PLIN4: variants seen among roughly 807,000 people sequenced by gnomAD.
PLIN4 encodes the protein perilipin-4.
PLIN4 carries 57 observed loss-of-function variants against 52.4 expected under a neutral mutation model. That is an observed-to-expected ratio of 1.09 (90% CI 0.88 to 1.36). PLIN4 has a LOEUF of 1.36. PLIN4 is among the 40% of genes most tolerant of loss of function. The pLI is 0.00. For missense variants in PLIN4, 1,757 were observed against 1,770.3 expected (o/e 0.99, Z 0.13); for synonymous variants, 826 against 785.4 (o/e 1.05, Z -0.86).
Position 4,512,450 on chromosome 19 carries a change from T to C in PLIN4, c.1510A>G (p.Thr504Ala), listed in dbSNP as rs1208867497. The C allele has an allele frequency of 6.2e-7, 1 of 1,611,528 alleles. No homozygotes were observed. The highest frequency in any genetic ancestry group is 1.4e-5 in the African/African-American group (1 of 73,734). ...ACGTTCACAGCCCCTGTGAGCCCAG[T>C]GGACACAGCATCTTTAGTGCCAGTC... is the stretch of plus-strand genomic sequence containing the variant. The part of the protein sequence containing the change: ...VLTGTKDAVS[T>A]GLTGAVNVAK... Residue 504 changes from threonine to alanine, a missense_variant, in exon 5 of 8, where the codon ACT becomes GCT. By Grantham distance (58) the Thr-to-Ala change is moderately conservative (BLOSUM62 0). Around this residue, in one of 7 missense-constraint regions of PLIN4, gnomAD observed 439 missense variants for 406.4 expected, o/e 1.08. Transcript: ENST00000301286.
In PLIN4 at chr19:4,511,016, C is replaced by T. The variant is rs148858605; in HGVS notation, c.2944G>A (p.Gly982Ser). ...AGCACAGCCTTGGAGGCGTCCACGC[C>T]GGTCTGCACGGTTCCTTTGGCCACA... ...VNVAKGTVQTGVDASKAVLMG... is the reference protein window; with the variant it reads ...VNVAKGTVQTSVDASKAVLMG... Residue 982 changes from glycine (G) to serine (S), a missense_variant, in exon 5 of 8, where the codon GGC becomes AGC. Coordinates refer to ENST00000301286, the MANE Select transcript of PLIN4 (RefSeq NM_001367868.2). 427 of 1,613,134 alleles carry T rather than the reference C, an allele frequency of 2.6e-4. No homozygotes were observed. The highest frequency in any genetic ancestry group is 8.8e-4 in the Admixed American group (53 of 60,004).
chr19:4,517,103 G>A (rs554355222), intron 3 of PLIN4, among the ~76,000 whole-genome samples: 31 of 152,284 alleles, frequency 2.0e-4, no homozygotes, highest in Non-Finnish European at 3.2e-4. Context: ...CAGCTCAGGC[G>A]GCTGCCCCAA....
rs1366329464 is a variant in PLIN4, at chr19:4,512,582, T to G, written c.1378A>C (p.Ile460Leu). ...GTGTCCTTGGTACCAGTTAGAACGA[T>G]CTTGGTGGTGTCCACGCCTGTCTGG... ...TIQTGVDTTK[I>L]VLTGTKDTVC... Residue 460 changes from isoleucine to leucine, a missense_variant, in exon 5 of 8, where the codon ATC (isoleucine) becomes CTC (leucine). Physicochemically the swap from Ile to Leu is conservative, Grantham distance 5 (BLOSUM62 2). This residue lies in a region of PLIN4 where 439 missense variants were observed against 406.4 expected (regional missense o/e 1.08). Coordinates refer to ENST00000301286, the MANE Select transcript of PLIN4 (RefSeq NM_001367868.2). 7.5e-6 allele frequency: 12 copies of G among 1,610,108 alleles called. No homozygotes were observed. Among genetic ancestry groups the G allele is most frequent in the Non-Finnish European group, 9.3e-6 (11 of 1,178,196 alleles).
Position 4,510,624 on chromosome 19 carries a change from A to G in PLIN4, c.3336T>C (p.Thr1112=). 2.0e-6 allele frequency: 3 copies of G among 1,507,538 alleles called. No individual in the cohort carries two copies. In the South Asian group the frequency reaches 4.1e-5, roughly 20 times the overall value. The allele number at this position is 1,507,538 out of a possible 1,614,324, so 93.4% of individuals were successfully genotyped here. Residue 1112 remains threonine, a synonymous_variant, in exon 5 of 8, where the codon ACT becomes ACC. Transcript: ENST00000301286. ...GPEPAWEAAA[T]TKGLATDVAT... is the part of the protein sequence containing the mutation. ...CCACGTCAGTCGCAAGGCCCTTGGT[A>G]GTGGCTGCGGCTTCCCAGGCAGGCT...
rs1976275742 is a variant in PLIN4 at position 4,510,742 on chromosome 19, G to C, written c.3218C>G (p.Thr1073Arg). ...GGCAGTCTGCTCCCCACCATTGTCT[G>C]TGGTCCTGGAACTGGTGAGTCCACC... ...SWGGLTSSRTTDNGGEQTALS... is the reference protein window; with the variant it reads ...SWGGLTSSRTRDNGGEQTALS... The change falls in exon 5 of 8, where the codon ACA becomes AGA. Residue 1073 changes from threonine to arginine, a missense_variant. Physicochemically the swap from Thr to Arg is moderately conservative, Grantham distance 71. Coordinates refer to ENST00000301286, the MANE Select transcript of PLIN4 (RefSeq NM_001367868.2). The C allele has an allele frequency of 6.4e-7, 1 of 1,550,856 alleles. No homozygotes were observed.
At chr19:4,514,461 T>C (rs1976531164) in intron 4 of PLIN4, among the ~76,000 whole-genome samples, 5 of 150,854 alleles carry the variant, frequency 3.3e-5, no homozygotes, top group Admixed American at 3.3e-4. Context: ...AATAATGATA[T>C]ACGCCTGTAA....
intron 5 of PLIN4, among the ~76,000 whole-genome samples, chr19:4,509,327 T>TAAAAAAAAAAAAAAAAAAAAAAAAAA (rs1245530767): frequency 2.6e-4 from 5 of 19,004 alleles, no homozygotes; most frequent in East Asian, 1.7e-3. Flanking sequence ...AAAAAAAAAG[T>TAAAAAAAAAAAAAAAAAAAAAAAAAA]TAAGTGAGGC....
chr19:4,507,354 G>A (rs528557034), intron 6 of PLIN4, among the ~76,000 whole-genome samples: 11 of 152,300 alleles, frequency 7.2e-5, no homozygotes, highest in East Asian at 5.8e-4. Flanking sequence ...AGAGGATCGC[G>A]GGAGCGCAGA....
rs539268942 is a variant in PLIN4 at position 4,504,275 on chromosome 19, C to T, written c.*184G>A. 4.8e-5 allele frequency: 28 copies of T among 588,566 alleles called. No individual in the cohort carries two copies. The highest frequency in any genetic ancestry group is 1.4e-4 in the African/African-American group (7 of 51,812). The allele number at this position is 588,566 out of a possible 1,614,324, so 36.5% of individuals were successfully genotyped here. On this transcript the variant is annotated 3_prime_UTR_variant, in exon 8 of 8. Transcript: ENST00000301286. ...AGATGCAGGCAGGCCCGGAGCAGGG[C>T]GTGGGGTGGCTCAGTTAAGAAGGTC...
chr19:4,509,803 G>C (rs1476169417), intron 5 of PLIN4, among the ~76,000 whole-genome samples: 4 of 151,208 alleles, frequency 2.6e-5, no homozygotes, highest in Non-Finnish European at 5.9e-5. Flanking sequence ...GGGCATGGTG[G>C]TCCTAGCTAC....
At position 4,513,136 on chromosome 19, in the gene PLIN4, A is replaced by G. The variant is rs375161179; in HGVS notation, c.824T>C (p.Val275Ala). The G allele has an allele frequency of 1.4e-4, 215 of 1,550,318 alleles. 24 individuals carry two copies. In the African/African-American group the frequency reaches 2.6e-3, roughly 19 times the overall value. Reference sequence around the variant, plus strand: ...TTTGGCCACATTCATGGCACCAGTCACCCCACTACAGACGGTGTCCTTGGT... The same window carrying G: ...TTTGGCCACATTCATGGCACCAGTCGCCCCACTACAGACGGTGTCCTTGGT... ...TGTKDTVCSG[V>A]TGAMNVAKGT... Residue 275 changes from valine to alanine, a missense_variant, in exon 5 of 8, where the codon GTG (valine) becomes GCG (alanine). By Grantham distance (64) the Val-to-Ala change is moderately conservative. Around this residue, in one of 7 missense-constraint regions of PLIN4, gnomAD observed 99 missense variants for 143.4 expected, o/e 0.69. Coordinates refer to ENST00000301286, the MANE Select transcript of PLIN4 (RefSeq NM_001367868.2).
rs569858956 is a variant in PLIN4, at chr19:4,510,783, G to T, written c.3177C>A (p.Thr1059=). The T allele has an allele frequency of 3.8e-6, 6 of 1,587,782 alleles. No homozygotes were observed. In the African/African-American group the frequency reaches 6.7e-5, roughly 18 times the overall value. The change falls in exon 5 of 8, where the codon ACC becomes ACA. Residue 1059 remains threonine (T), a synonymous_variant. Transcript: ENST00000301286. The part of the protein sequence containing the change: ...LSTFQNWLPS[T]PATSWGGLTS... ...TGAGTCCACCCCAGGAGGTGGCGGG[G>T]GTACTAGGTAACCAGTTCTGGAAGG...
intron 6 of PLIN4, among the ~76,000 whole-genome samples, chr19:4,506,666 C>T (rs925686381): frequency 6.6e-6 from 1 of 152,254 alleles, no homozygotes; most frequent in Non-Finnish European, 1.5e-5. Flanking sequence ...CAAAGCTCTT[C>T]TCTTCCTGTG....
At chr19:4,513,831 C>CA in intron 4 of PLIN4, 130 bp from the exon 5 acceptor site, 2 of 1,216,280 alleles carry the variant, frequency 1.6e-6, no homozygotes, top group Non-Finnish European at 1.1e-6. Flanking sequence ...CCCACCTCCT[C>CA]AAAAAGCAAG....
chr19:4,512,707 A>G lies in PLIN4; in HGVS notation c.1253T>C (p.Met418Thr), dbSNP rs750035368. Reference sequence around the variant, plus strand: ...TTGGGTTGTGTTCAGCCCAGTTTGCATGGCCCCCTTGGCCACATTCGCTGC... The same window carrying G: ...TTGGGTTGTGTTCAGCCCAGTTTGCGTGGCCCCCTTGGCCACATTCGCTGC... ...TGAANVAKGA[M>T]QTGLNTTQNI... Residue 418 changes from methionine (M) to threonine (T), a missense_variant, in exon 5 of 8, where the codon ATG becomes ACG. Around this residue, in one of 7 missense-constraint regions of PLIN4, gnomAD observed 439 missense variants for 406.4 expected, o/e 1.08. Transcript: ENST00000301286. 3.3e-5 allele frequency: 51 copies of G among 1,553,024 alleles called. 4 individuals are homozygous for G. The highest frequency in any genetic ancestry group is 3.1e-4 in the Admixed American group (18 of 57,582).
rs1976589328 is a variant in PLIN4, at chr19:4,516,634, G to A, written c.241C>T (p.Leu81=). The change falls in exon 4 of 8, where the codon CTG becomes TTG. Residue 81 remains leucine (L), a synonymous_variant. Transcript: ENST00000301286. ...CCTCTCACCTTTTCCGAAGGTTGCA[G>A]CTCCTTCTCCGTCCATGGGGCCGTC... ...EQTAPWTEKE[L]QPSEKMVSGA... The A allele has an allele frequency of 5.0e-6, 8 of 1,605,208 alleles. No individual in the cohort carries two copies. In the South Asian group the frequency reaches 9.0e-5, roughly 18 times the overall value.
Position 4,511,904 on chromosome 19 carries a change from C to A in PLIN4, c.2056G>T (p.Val686Leu). The change falls in exon 5 of 8, where the codon GTA becomes TTA. Residue 686 changes from valine (V) to leucine (L), a missense_variant. Physicochemically the swap from Val to Leu is conservative, Grantham distance 32. Coordinates refer to ENST00000301286, the MANE Select transcript of PLIN4 (RefSeq NM_001367868.2). ...GTCAGCACGGTCTTGGCCGTGTCTACACCTGTCTGGGCAGCCCCTTTGGCC... is the reference window on the plus strand; with the variant it reads ...GTCAGCACGGTCTTGGCCGTGTCTAAACCTGTCTGGGCAGCCCCTTTGGCC... The part of the protein sequence containing the change: ...NVAKGAAQTG[V>L]DTAKTVLTGT... 2 of 1,606,346 alleles carry A rather than the reference C, an allele frequency of 1.2e-6. No homozygotes were observed. The highest frequency in any genetic ancestry group is 1.7e-6 in the Non-Finnish European group (2 of 1,174,528).
At position 4,508,914 on chromosome 19, in the gene PLIN4, C is replaced by A. The variant is rs773283800; in HGVS notation, c.3556G>T (p.Ala1186Ser). ...ASQPGPKVLS[A>S]EQGSYFVRLG... Reference sequence around the variant, plus strand: ...CGAACGAAGTAGCTCCCCTGTTCCGCCGACAGCACCTTTGGCCCAGGCTGG... The same window carrying A: ...CGAACGAAGTAGCTCCCCTGTTCCGACGACAGCACCTTTGGCCCAGGCTGG... The change falls in exon 6 of 8, where the codon GCG becomes TCG. Residue 1186 changes from alanine to serine, a missense_variant. Physicochemically the swap from Ala to Ser is moderately conservative, Grantham distance 99. Around this residue, in one of 7 missense-constraint regions of PLIN4, gnomAD observed 712 missense variants for 637.1 expected, o/e 1.12. Coordinates refer to ENST00000301286, the MANE Select transcript of PLIN4 (RefSeq NM_001367868.2). The A allele has an allele frequency of 3.3e-5, 53 of 1,612,798 alleles. No individual in the cohort carries two copies. In the Middle Eastern group the frequency reaches 6.6e-4, roughly 20 times the overall value.
At position 4,510,484 on chromosome 19, in the gene PLIN4, A is replaced by C; in HGVS notation, c.3476T>G (p.Leu1159Arg). Residue 1159 changes from leucine (L) to arginine (R), a missense_variant, in exon 5 of 8, where the codon CTG becomes CGG. Physicochemically the swap from Leu to Arg is moderately radical, Grantham distance 102 (BLOSUM62 -2). Transcript: ENST00000301286. ...LAMLQNELEG[L>R]GDIFHPMNAE... ...ATTCATGGGGTGGAAGATGTCCCCC[A>C]GCCCCTCCAACTCATTCTGCAGCAT... 6.9e-7 allele frequency: 1 copy of C among 1,455,582 alleles called. No homozygotes were observed. The highest frequency in any genetic ancestry group is 9.1e-7 in the Non-Finnish European group (1 of 1,102,496). The allele number at this position is 1,455,582 out of a possible 1,614,324, so 90.2% of individuals were successfully genotyped here.
Sources: gnomAD v4.1 joint callset for allele counts (sites outside exome capture counted in the v4.1 genomes callset) on GRCh38, gnomAD v4.1.1 for gene constraint, gnomAD v4.1.1 regional missense constraint, MANE v1.5 for transcripts, NCBI Gene and HGNC (gene_info 2026-07-23, HGNC 2026-07-21) for gene names.